The following CA10 variants were observed in gnomAD, a reference collection of about 807,000 sequenced individuals.
The protein encoded by CA10 is carbonic anhydrase-related protein 10.
Under a neutral mutation model 44.2 loss-of-function variants are expected in CA10, and 14 were observed. The observed-to-expected ratio is 0.32, with a 90% CI of 0.21 to 0.50. The LOEUF is 0.50. Ranked by LOEUF, CA10 falls within the 20% of genes least tolerant of loss-of-function variation. The pLI is 0.99. For missense variants in CA10, 350 were observed against 409.7 expected (o/e 0.85, Z 1.26); for synonymous variants, 159 against 141.6 (o/e 1.12, Z -0.87).
chr17:52,059,627 A>G (rs1987325153), intron 2 of CA10, among the ~76,000 whole-genome samples: 1 of 152,086 alleles, frequency 6.6e-6, no homozygotes, highest in Non-Finnish European at 1.5e-5. Flanking sequence ...CATATGTATC[A>G]AAACTGCACA....
At chr17:51,928,013 G>A (rs1016277422) in intron 3 of CA10, among the ~76,000 whole-genome samples, 9 of 152,060 alleles carry the variant, frequency 5.9e-5, no homozygotes, top group South Asian at 4.1e-4. Context: ...CCTTAAGGGC[G>A]TGCCATTTGT....
intron 1 of CA10, among the ~76,000 whole-genome samples, chr17:52,145,145 G>A (rs1313602334): frequency 6.6e-6 from 1 of 152,116 alleles, no homozygotes; most frequent in Non-Finnish European, 1.5e-5. Context: ...TGTTATTTGG[G>A]TTATTTTTCT....
At chr17:51,875,223 T>C (rs529488477) in intron 3 of CA10, among the ~76,000 whole-genome samples, 24 of 152,224 alleles carry the variant, frequency 1.6e-4, no homozygotes, top group African/African-American at 5.5e-4. Context: ...ACTGCCCAAG[T>C]TAGTCTTGAA....
intron 2 of CA10, among the ~76,000 whole-genome samples, chr17:51,946,997 G>A (rs995681725): frequency 2.6e-5 from 4 of 151,776 alleles, no homozygotes; most frequent in African/African-American, 9.7e-5. Flanking sequence ...AGCACAATTA[G>A]GGTATCTAAA....
chr17:51,992,201 T>C (rs1394876747), intron 2 of CA10, among the ~76,000 whole-genome samples: 3 of 152,128 alleles, frequency 2.0e-5, no homozygotes, highest in Non-Finnish European at 4.4e-5. Context: ...GTTTCATTTT[T>C]GCTTTACTAT....
At chr17:51,774,699 C>T (rs1345955063) in intron 3 of CA10, among the ~76,000 whole-genome samples, 5 of 152,116 alleles carry the variant, frequency 3.3e-5, no homozygotes, top group Admixed American at 6.6e-5. Flanking sequence ...CTGCCTTGGC[C>T]TCCTGAAGTA....
chr17:51,953,925 C>T (rs967221931), intron 2 of CA10, among the ~76,000 whole-genome samples: 2 of 152,070 alleles, frequency 1.3e-5, no homozygotes, highest in African/African-American at 4.8e-5. Flanking sequence ...TTGCTCAGTG[C>T]TCCAAGAAAG....
At chr17:51,742,275 C>CT (rs1260066713) in intron 4 of CA10, among the ~76,000 whole-genome samples, 2 of 152,104 alleles carry the variant, frequency 1.3e-5, no homozygotes, top group African/African-American at 4.8e-5. Context: ...TGTACCTGTC[C>CT]TTATACATCC....
Position 51,694,923 on chromosome 17 carries a change from T to A in CA10, c.466-41187A>T, listed in dbSNP as rs141372421. Among the ~76,000 whole-genome samples, 3 of 152,148 alleles carry A rather than the reference T, an allele frequency of 2.0e-5. No homozygotes were observed. In the East Asian group the frequency reaches 5.8e-4, roughly 29 times the overall value. On this transcript the variant is annotated intron_variant, in intron 4 of 8. Transcript: ENST00000451037. ...ATTTATTGAATAGGAAGTCCTTTTC[T>A]CATTGCTTATTTATTCCCACTTTGT...
intron 3 of CA10, among the ~76,000 whole-genome samples, chr17:51,903,413 T>C (rs1007923023): frequency 3.9e-5 from 6 of 152,282 alleles, no homozygotes; most frequent in Middle Eastern, 3.4e-3. Context: ...CAGCCCTGCA[T>C]ATAGTAGATG....
intron 3 of CA10, among the ~76,000 whole-genome samples, chr17:51,798,385 T>G (rs1906796923): frequency 6.6e-6 from 1 of 152,238 alleles, no homozygotes; most frequent in Non-Finnish European, 1.5e-5. Context: ...TCTGTAACTT[T>G]CATACATGCC....
intron 3 of CA10, among the ~76,000 whole-genome samples, chr17:51,791,027 G>T (rs1266786744): frequency 6.6e-6 from 1 of 152,174 alleles, no homozygotes; most frequent in Non-Finnish European, 1.5e-5. Flanking sequence ...TTTGGGACAA[G>T]TTACTTGACT....
chr17:51,642,492 G>T (rs188097678), intron 6 of CA10, among the ~76,000 whole-genome samples: 8 of 152,262 alleles, frequency 5.3e-5, no homozygotes, highest in Admixed American at 5.2e-4. Flanking sequence ...GTAAAGCAAA[G>T]TTATAAACAG....
chr17:51,864,069 C>T (rs1979433767), intron 3 of CA10, among the ~76,000 whole-genome samples: 2 of 152,178 alleles, frequency 1.3e-5, no homozygotes, highest in East Asian at 1.9e-4. Context: ...GCAGCCAGCT[C>T]CCATCTTGAC....
At chr17:52,110,376 G>C (rs1988763798) in intron 1 of CA10, among the ~76,000 whole-genome samples, 1 of 152,212 alleles carries the variant, frequency 6.6e-6, no homozygotes, top group African/African-American at 2.4e-5. Context: ...TTTACTAACT[G>C]TAGGGCTTTG....
chr17:51,715,711 G>A (rs1300893581), intron 4 of CA10, among the ~76,000 whole-genome samples: 1 of 150,428 alleles, frequency 6.6e-6, no homozygotes, highest in Non-Finnish European at 1.5e-5. Context: ...TTTTTTTTCA[G>A]ACGGAGTCTC....
At chr17:51,891,345 A>C (rs1980847141) in intron 3 of CA10, among the ~76,000 whole-genome samples, 1 of 152,202 alleles carries the variant, frequency 6.6e-6, no homozygotes, top group African/African-American at 2.4e-5. Context: ...AGAAGACTGA[A>C]GTTCTAAGGA....
chr17:51,892,429 G>A (rs1482197636), intron 3 of CA10, among the ~76,000 whole-genome samples: 1 of 152,116 alleles, frequency 6.6e-6, no homozygotes, highest in Non-Finnish European at 1.5e-5. Context: ...ATAATAAAAG[G>A]AAATAATGAG....
At chr17:52,090,604 A>G (rs1988233361) in intron 1 of CA10, among the ~76,000 whole-genome samples, 1 of 152,168 alleles carries the variant, frequency 6.6e-6, no homozygotes, top group Non-Finnish European at 1.5e-5. Flanking sequence ...TTAAAAGTTA[A>G]ATGTAAAATG....
Sources: allele counts gnomAD v4.1 joint callset (sites outside exome capture counted in the v4.1 genomes callset), GRCh38; gene constraint gnomAD v4.1.1; transcripts MANE v1.5; gene names NCBI Gene and HGNC (gene_info 2026-07-23, HGNC 2026-07-21).